Variants in POU4F2 observed in about 807,000 individuals in gnomAD.
POU4F2 encodes POU class 4 homeobox 2, also known as POU domain, class 4, transcription factor 2.
POU4F2 carries 10 observed loss-of-function variants against 21.5 expected under a neutral mutation model. The observed-to-expected ratio is 0.46, with a 90% CI of 0.29 to 0.79. The LOEUF is 0.79. POU4F2 is among the 30% of genes least tolerant of loss of function. The pLI is 0.10. For synonymous variants in POU4F2, 324 were observed against 271.1 expected (o/e 1.20, Z -1.92); for missense variants, 623 against 603.3 (o/e 1.03, Z -0.34).
Position 146,640,030 on chromosome 4 carries a change from C to T in POU4F2, c.452C>T (p.Thr151Met), listed in dbSNP as rs768702139. 5.6e-6 allele frequency: 9 copies of T among 1,610,558 alleles called. No individual in the cohort carries two copies. Among genetic ancestry groups the T allele is most frequent in the Non-Finnish European group, 7.6e-6 (9 of 1,179,764 alleles). ...CACACTATGAATACCATCCCGTGCACGTCGGCCGCCTCTTCTTCATCGGTG... is the reference window on the plus strand; with the variant it reads ...CACACTATGAATACCATCCCGTGCATGTCGGCCGCCTCTTCTTCATCGGTG... ...TYHTMNTIPCTSAASSSSVPI... is the reference protein window; with the variant it reads ...TYHTMNTIPCMSAASSSSVPI... Residue 151 changes from threonine to methionine, a missense_variant, in exon 2 of 2, where the codon ACG becomes ATG. By Grantham distance (81) the Thr-to-Met change is moderately conservative (BLOSUM62 -1). Transcript: ENST00000281321. The surrounding 1 kb of genome is among the most constrained non-coding windows in gnomAD (Gnocchi z 4.8).
Position 146,640,448 on chromosome 4 carries a change from C to G in POU4F2, c.870C>G (p.Gly290=). The G allele has an allele frequency of 6.2e-7, 1 of 1,613,634 alleles. No homozygotes were observed. Among genetic ancestry groups the G allele is most frequent in the Non-Finnish European group, 8.5e-7 (1 of 1,179,984 alleles). ...CGCTGGCCAACCTCAAGATCCCCGG[C>G]GTGGGCTCGCTTAGCCAGAGCACCA... ...GSALANLKIP[G]VGSLSQSTIC... The change falls in exon 2 of 2, where the codon GGC becomes GGG. Residue 290 remains glycine (G), a synonymous_variant. Transcript: ENST00000281321. The surrounding 1 kb of genome is among the most constrained non-coding windows in gnomAD (Gnocchi z 4.8).
At position 146,641,740 on chromosome 4, in the gene POU4F2, T is replaced by C. The variant is rs1740890733; in HGVS notation, c.*932T>C. The C allele has an allele frequency of 6.6e-6, 1 of 152,632 alleles. No homozygotes were observed. The highest frequency in any genetic ancestry group is 1.5e-5 in the Non-Finnish European group (1 of 68,046). The allele number at this position is 152,632 out of a possible 1,614,324, so 9.5% of individuals were successfully genotyped here. A position where few individuals can be genotyped will look rare whatever the true frequency, so the allele number is the denominator to read the frequency against. On this transcript the variant is annotated 3_prime_UTR_variant, in exon 2 of 2. Transcript: ENST00000281321. ...TGATTTGTGAGTCGACACTCAGTAA[T>C]GGATGTCTTAATCGTGTAGACCTGA... is the stretch of plus-strand genomic sequence containing the variant.
Position 146,641,101 on chromosome 4 carries a change from C to T in POU4F2, c.*293C>T. 3.3e-6 allele frequency: 1 copy of T among 301,616 alleles called. No homozygotes were observed. The highest frequency in any genetic ancestry group is 9.2e-4 in the Middle Eastern group (1 of 1,090). The allele number at this position is 301,616 out of a possible 1,614,324, so 18.7% of individuals were successfully genotyped here. A position where few individuals can be genotyped will look rare whatever the true frequency, so the allele number is the denominator to read the frequency against. On this transcript the variant is annotated 3_prime_UTR_variant, in exon 2 of 2. Transcript: ENST00000281321. ...GAGGAAGTGTGGAGATGGCTGTTTG[C>T]AGGAAGGCAGACGAGACAGTGTTTA... is the stretch of plus-strand genomic sequence containing the variant.
At position 146,639,172 on chromosome 4, in the gene POU4F2, C is replaced by A. The variant is rs764572858; in HGVS notation, c.32C>A (p.Ala11Glu). Residue 11 changes from alanine (A) to glutamate (E), a missense_variant, in exon 1 of 2, where the codon GCG (alanine) becomes GAG (glutamate). This residue lies in a region of POU4F2 where 94 missense variants were observed against 74.1 expected (regional missense o/e 1.27). Coordinates refer to ENST00000281321, the MANE Select transcript of POU4F2 (RefSeq NM_004575.3). ...ATGATGTCCCTGAACAGCAAGCAGG[C>A]GTTTAGCATGCCGCACGGCGGCAGC... MMMMSLNSKQ[A>E]FSMPHGGSLH... 7 of 1,607,550 alleles carry A rather than the reference C, an allele frequency of 4.4e-6. No individual in the cohort carries two copies. Among genetic ancestry groups the A allele is most frequent in the South Asian group, 2.2e-5 (2 of 90,200 alleles).
At position 146,638,949 on chromosome 4, in the gene POU4F2, A is replaced by T; in HGVS notation, c.-192A>T. 1.5e-6 allele frequency: 1 copy of T among 674,022 alleles called. No homozygotes were observed. The highest frequency in any genetic ancestry group is 2.4e-6 in the Non-Finnish European group (1 of 424,924). The allele number at this position is 674,022 out of a possible 1,614,324, so 41.8% of individuals were successfully genotyped here. ...CAAGCGGAGTCAGGCATCCGTTCAG[A>T]CTGACAGCAGAGGCGGCGAAGGAGC... On this transcript the variant is annotated 5_prime_UTR_variant, in exon 1 of 2. Transcript: ENST00000281321.
chr4:146,639,944 G>A lies in POU4F2; in HGVS notation c.366G>A (p.Gln122=). The part of the protein sequence containing the change: ...EALAAVDIVS[Q]SKSHHHHPPH... ...TGGCAGCCGTGGACATCGTCTCCCAGAGCAAGAGCCACCACCACCATCCAC... is the reference window on the plus strand; with the variant it reads ...TGGCAGCCGTGGACATCGTCTCCCAAAGCAAGAGCCACCACCACCATCCAC... The change falls in exon 2 of 2, where the codon CAG becomes CAA. Residue 122 remains glutamine, a synonymous_variant. Transcript: ENST00000281321. 2 of 1,606,168 alleles carry A rather than the reference G, an allele frequency of 1.2e-6. No individual in the cohort carries two copies. The highest frequency in any genetic ancestry group is 1.7e-6 in the Non-Finnish European group (2 of 1,175,860).
Position 146,640,758 on chromosome 4 carries a change from T to A in POU4F2, c.1180T>A (p.Cys394Ser). ...GAAAAACGTGGTGCGCGTCTGGTTC[T>A]GCAACCAGAGGCAGAAACAGAAAAG... ...LKKNVVRVWF[C>S]NQRQKQKRMK... Residue 394 changes from cysteine to serine, a missense_variant, in exon 2 of 2, where the codon TGC (cysteine) becomes AGC (serine). Cys to Ser is a moderately radical substitution (Grantham distance 112). Transcript: ENST00000281321. This position sits in a 1 kb window ranked among gnomAD's most constrained non-coding sequence, Gnocchi z 4.8. 6.2e-7 allele frequency: 1 copy of A among 1,613,384 alleles called. No homozygotes were observed. Among genetic ancestry groups the A allele is most frequent in the Non-Finnish European group, 8.5e-7 (1 of 1,179,866 alleles).
Position 146,638,901 on chromosome 4 carries a change from G to T in POU4F2, c.-240G>T. 1.9e-6 allele frequency: 1 copy of T among 539,490 alleles called. No individual in the cohort carries two copies. The highest frequency in any genetic ancestry group is 3.2e-6 in the Non-Finnish European group (1 of 317,376). The allele number at this position is 539,490 out of a possible 1,614,324, so 33.4% of individuals were successfully genotyped here. ...CCGCGAGGAGCGGGGGCAGTTTCGGGTGCCGAGGTCTGCAGCTAGCGGCAA... is the reference window on the plus strand; with the variant it reads ...CCGCGAGGAGCGGGGGCAGTTTCGGTTGCCGAGGTCTGCAGCTAGCGGCAA... On this transcript the variant is annotated 5_prime_UTR_variant, in exon 1 of 2. Transcript: ENST00000281321.
chr4:146,640,802 C>A lies in POU4F2; in HGVS notation c.1224C>A (p.Gly408=). 1 of 1,602,070 alleles carries A rather than the reference C, an allele frequency of 6.2e-7. No homozygotes were observed. Among genetic ancestry groups the A allele is most frequent in the Non-Finnish European group, 8.5e-7 (1 of 1,174,472 alleles). The change falls in exon 2 of 2, where the codon GGC becomes GGA. Residue 408 remains glycine, a synonymous_variant. Transcript: ENST00000281321. The surrounding 1 kb of genome is among the most constrained non-coding windows in gnomAD (Gnocchi z 4.8). ...AGAAAAGAATGAAATATTCCGCCGG[C>A]ATTTAGAAGACTCTTGGCCTCTCCA... is the stretch of plus-strand genomic sequence containing the variant. ...QKQKRMKYSA[G]I is the part of the protein sequence containing the mutation.
Position 146,639,012 on chromosome 4 carries a change from C to T in POU4F2, c.-129C>T, listed in dbSNP as rs1740811562. 2 of 1,216,792 alleles carry T rather than the reference C, an allele frequency of 1.6e-6. No individual in the cohort carries two copies. Among genetic ancestry groups the T allele is most frequent in the Non-Finnish European group, 1.1e-6 (1 of 892,616 alleles). 75.4% of individuals were successfully genotyped at this position (1,216,792 alleles called of 1,614,324 possible). A position where few individuals can be genotyped will look rare whatever the true frequency, so the allele number is the denominator to read the frequency against. On this transcript the variant is annotated 5_prime_UTR_variant, in exon 1 of 2. Transcript: ENST00000281321. ...TCAGGCGTACAGAGTCCGGAGGCGG[C>T]GGCGGGTGAGCTCAACTTCGCACAG...
rs60422325 is a variant in POU4F2, at chr4:146,641,856, T to TACACACACACACACACACAC, written c.*1055_*1074dup. On this transcript the variant is annotated 3_prime_UTR_variant, in exon 2 of 2. Transcript: ENST00000281321. The stretch of plus-strand genomic sequence containing the variant: ...ACACATGAGCGCTCTCACTTACCCT[T>TACACACACACACACACACAC]ACACACACACACACACACACACACA... 6 of 148,704 alleles carry TACACACACACACACACACAC rather than the reference T, an allele frequency of 4.0e-5. No homozygotes were observed. Among genetic ancestry groups the TACACACACACACACACACAC allele is most frequent in the African/African-American group, 1.5e-4 (6 of 40,370 alleles). The allele number at this position is 148,704 out of a possible 1,614,324, so 9.2% of individuals were successfully genotyped here.
Position 146,639,028 on chromosome 4 carries a change from C to T in POU4F2, c.-113C>T, listed in dbSNP as rs920789699. 2.6e-5 allele frequency: 35 copies of T among 1,327,898 alleles called. No homozygotes were observed. The highest frequency in any genetic ancestry group is 3.4e-5 in the Non-Finnish European group (34 of 994,328). The allele number at this position is 1,327,898 out of a possible 1,614,324, so 82.3% of individuals were successfully genotyped here. On this transcript the variant is annotated 5_prime_UTR_variant, in exon 1 of 2. Coordinates refer to ENST00000281321, the MANE Select transcript of POU4F2 (RefSeq NM_004575.3). ...CGGAGGCGGCGGCGGGTGAGCTCAA[C>T]TTCGCACAGCCCTTCCCAGCTCCAG...
rs898680548 is a variant in POU4F2 at position 146,642,298 on chromosome 4, T to C, written c.*1490T>C. 2.6e-5 allele frequency: 4 copies of C among 152,352 alleles called. No individual in the cohort carries two copies. Among genetic ancestry groups the C allele is most frequent in the Middle Eastern group, 3.4e-3 (1 of 294 alleles). The allele number at this position is 152,352 out of a possible 1,614,324, so 9.4% of individuals were successfully genotyped here. Reference sequence around the variant, plus strand: ...AGGCTCTCCAAAGTCTTGAGTTCTGTATATGGCCTGGTTTCTTGTTTTTAT... The same window carrying C: ...AGGCTCTCCAAAGTCTTGAGTTCTGCATATGGCCTGGTTTCTTGTTTTTAT... On this transcript the variant is annotated 3_prime_UTR_variant, in exon 2 of 2. Coordinates refer to ENST00000281321, the MANE Select transcript of POU4F2 (RefSeq NM_004575.3).
chr4:146,640,505 CAAT>C lies in POU4F2; in HGVS notation c.932_934del (p.Asn311del), dbSNP rs1561027532. The C allele has an allele frequency of 6.2e-7, 1 of 1,614,170 alleles. No individual in the cohort carries two copies. The highest frequency in any genetic ancestry group is 8.5e-7 in the Non-Finnish European group (1 of 1,179,998). ...GGTTCGAGTCCCTCACACTGTCCCA[CAAT>C]AATATGATCGCGCTCAAACCCATCC... On this transcript the variant is annotated inframe_deletion, in exon 2 of 2. Coordinates refer to ENST00000281321, the MANE Select transcript of POU4F2 (RefSeq NM_004575.3). This position sits in a 1 kb window ranked among gnomAD's most constrained non-coding sequence, Gnocchi z 4.8.
chr4:146,639,606 A>G (rs1740829456), intron 1 of POU4F2, among the ~76,000 whole-genome samples, 178 bp downstream of exon 1: 1 of 151,426 alleles, frequency 6.6e-6, no homozygotes, highest in Non-Finnish European at 1.5e-5. Context: ...ATGACCTGGG[A>G]TGTTGCCTGT....
In POU4F2 at chr4:146,641,066, G is replaced by A. The variant is rs922845094; in HGVS notation, c.*258G>A. On this transcript the variant is annotated 3_prime_UTR_variant, in exon 2 of 2. Transcript: ENST00000281321. Reference sequence around the variant, plus strand: ...AAGTTGTCCCTTTGAACCCCACCTCGGCTTCTTCAGAGGAAGTGTGGAGAT... The same window carrying A: ...AAGTTGTCCCTTTGAACCCCACCTCAGCTTCTTCAGAGGAAGTGTGGAGAT... 1.9e-5 allele frequency: 7 copies of A among 376,734 alleles called. No homozygotes were observed. The highest frequency in any genetic ancestry group is 2.8e-5 in the Non-Finnish European group (6 of 213,968). The allele number at this position is 376,734 out of a possible 1,614,324, so 23.3% of individuals were successfully genotyped here.
chr4:146,640,579 T>C lies in POU4F2; in HGVS notation c.1001T>C (p.Leu334Pro). The change falls in exon 2 of 2, where the codon CTC becomes CCC. Residue 334 changes from leucine (L) to proline (P), a missense_variant. Leu to Pro is a moderately conservative substitution (Grantham distance 98). Transcript: ENST00000281321. The surrounding 1 kb of genome is among the most constrained non-coding windows in gnomAD (Gnocchi z 4.8). ...GCCGAGAAGTCCCACCGCGAGAAGC[T>C]CACCAAGCCTGAACTCTTCAATGGC... ...EEAEKSHREKLTKPELFNGAE... is the reference protein window; with the variant it reads ...EEAEKSHREKPTKPELFNGAE... The C allele has an allele frequency of 3.1e-6, 5 of 1,613,680 alleles. No individual in the cohort carries two copies. Among genetic ancestry groups the C allele is most frequent in the Non-Finnish European group, 4.2e-6 (5 of 1,179,810 alleles).
chr4:146,639,674 ACT>A (rs530957606), intron 1 of POU4F2, among the ~76,000 whole-genome samples, 191 bp from the exon 2 acceptor site: 166 of 149,198 alleles, frequency 1.1e-3, no homozygotes, highest in African/African-American at 3.9e-3. Context: ...CTCCTCCTGC[ACT>A]CTCGGCTTCT....
At position 146,638,976 on chromosome 4, in the gene POU4F2, C is replaced by A; in HGVS notation, c.-165C>A. The A allele has an allele frequency of 3.6e-6, 3 of 833,958 alleles. No individual in the cohort carries two copies. The highest frequency in any genetic ancestry group is 5.3e-6 in the Non-Finnish European group (3 of 564,612). 51.7% of individuals were successfully genotyped at this position (833,958 alleles called of 1,614,324 possible). ...TGACAGCAGAGGCGGCGAAGGAGCG[C>A]GTAGCCGAGATCAGGCGTACAGAGT... is the stretch of plus-strand genomic sequence containing the variant. On this transcript the variant is annotated 5_prime_UTR_variant, in exon 1 of 2. Coordinates refer to ENST00000281321, the MANE Select transcript of POU4F2 (RefSeq NM_004575.3).
Sources: gnomAD v4.1 joint callset for allele counts (sites outside exome capture counted in the v4.1 genomes callset) on GRCh38, gnomAD v4.1.1 for gene constraint, gnomAD v4.1.1 regional missense constraint, Gnocchi (gnomAD v3.1) non-coding constraint, MANE v1.5 for transcripts, NCBI Gene and HGNC (gene_info 2026-07-23, HGNC 2026-07-21) for gene names.